Variants in TRAF3IP1 observed in about 807,000 individuals in gnomAD.
The protein encoded by TRAF3IP1 is TRAF3-interacting protein 1.
Under a neutral mutation model 89.9 loss-of-function variants are expected in TRAF3IP1, and 53 were observed. The ratio of observed to expected loss-of-function variants is 0.59; its 90% CI spans 0.47 to 0.74. The LOEUF (loss-of-function observed/expected upper bound fraction) is 0.74, where lower values mean the gene tolerates loss of function less well. Among genes scored for constraint, TRAF3IP1 ranks in the 30% least tolerant of loss-of-function variants. The probability of loss-of-function intolerance (pLI) is 0.00; values close to 1 mark genes in which losing one functional copy is unlikely to be tolerated. For missense variants in TRAF3IP1, 806 were observed against 866.1 expected (o/e 0.93, Z 0.87); for synonymous variants, 311 against 322.1 (o/e 0.97, Z 0.37).
intron 2 of TRAF3IP1, among the ~76,000 whole-genome samples, 183 bp from the exon 3 acceptor site, chr2:238,325,626 T>G (rs1159591848): frequency 6.6e-6 from 1 of 152,232 alleles, no homozygotes; most frequent in Non-Finnish European, 1.5e-5. Context: ...ATCAACTAAA[T>G]TAAAGGCTTT....
intron 15 of TRAF3IP1, among the ~76,000 whole-genome samples, chr2:238,393,551 C>G (rs1256328894): frequency 2.0e-5 from 3 of 152,172 alleles, no homozygotes; most frequent in Non-Finnish European, 4.4e-5. Context: ...CTTTTGGTGT[C>G]AAGTCTTCGA....
chr2:238,335,682 T>C (rs1382179597), intron 7 of TRAF3IP1, among the ~76,000 whole-genome samples: 2 of 152,176 alleles, frequency 1.3e-5, no homozygotes, highest in Non-Finnish European at 2.9e-5. Context: ...TTAGTGAAGG[T>C]GTCCCCCTCT....
intron 14 of TRAF3IP1, among the ~76,000 whole-genome samples, chr2:238,354,577 C>T (rs768904966): frequency 4.6e-5 from 7 of 152,100 alleles, no homozygotes; most frequent in Non-Finnish European, 1.0e-4. Context: ...TAGAACACCA[C>T]GACTGGTTTT....
At chr2:238,374,454 C>T (rs771779154) in intron 15 of TRAF3IP1, among the ~76,000 whole-genome samples, 1 of 152,158 alleles carries the variant, frequency 6.6e-6, no homozygotes, top group Non-Finnish European at 1.5e-5. Flanking sequence ...GTTGAACCAG[C>T]CTTGCATCCC....
At chr2:238,378,508 C>T (rs1209339525) in intron 15 of TRAF3IP1, among the ~76,000 whole-genome samples, 2 of 152,164 alleles carry the variant, frequency 1.3e-5, no homozygotes, top group African/African-American at 4.8e-5. Context: ...ATAACCTTTG[C>T]CTGGCCATCA....
chr2:238,354,494 C>T (rs1008386155), intron 14 of TRAF3IP1, among the ~76,000 whole-genome samples: 1 of 152,170 alleles, frequency 6.6e-6, no homozygotes, highest in Non-Finnish European at 1.5e-5. Flanking sequence ...CATCTCATGC[C>T]AAAAAGCCTG....
chr2:238,333,861 A>G (rs1698248951), intron 6 of TRAF3IP1, 99 bp from the exon 7 acceptor site: 2 of 1,003,398 alleles, frequency 2.0e-6, no homozygotes, highest in African/African-American at 1.6e-5. Flanking sequence ...GCTGGATTTC[A>G]TACTTGTTCT....
intron 12 of TRAF3IP1, among the ~76,000 whole-genome samples, chr2:238,350,347 C>T (rs547624045): frequency 8.7e-4 from 133 of 152,124 alleles, no homozygotes; most frequent in Middle Eastern, 3.4e-3. Context: ...GCAGAGTCCC[C>T]GTGTGGGTGT....
chr2:238,344,748 T>C, intron 9 of TRAF3IP1, 150 bp downstream of exon 9: 1 of 730,510 alleles, frequency 1.4e-6, no homozygotes, highest in Non-Finnish European at 2.5e-6. Context: ...TCTGCCTTTT[T>C]GCATAAACTA....
chr2:238,395,229 G>A (rs113377546), intron 15 of TRAF3IP1, among the ~76,000 whole-genome samples: 9,460 of 152,148 alleles, frequency 0.062, 386 homozygotes, highest in Non-Finnish European at 0.081. Context: ...GAAAGAAAGG[G>A]AAGAAGATAA....
rs1574888636 is a variant in TRAF3IP1 at position 238,325,730 on chromosome 2, A to G, written c.193-79A>G. The G allele has an allele frequency of 5.8e-6, 8 of 1,377,212 alleles. No homozygotes were observed. In the East Asian group the frequency reaches 1.9e-4, roughly 32 times the overall value. 85.3% of individuals were successfully genotyped at this position (1,377,212 alleles called of 1,614,324 possible). A position where few individuals can be genotyped will look rare whatever the true frequency, so the allele number is the denominator to read the frequency against. On this transcript the variant is annotated intron_variant, in intron 2 of 16. Transcript: ENST00000373327. ...TTTGTATGTAAACAGAAACTATCCT[A>G]TGCCTGGTAAACATACAGAAGATAA...
In TRAF3IP1 at chr2:238,350,367, C is replaced by T. The variant is rs186406694; in HGVS notation, c.1451+959C>T. On this transcript the variant is annotated intron_variant, in intron 12 of 16. Coordinates refer to ENST00000373327, the MANE Select transcript of TRAF3IP1 (RefSeq NM_015650.4). The stretch of plus-strand genomic sequence containing the variant: ...GTCCCCGTGTGGGTGTGGGAACGGG[C>T]GCGGAGGTGGAGTCGGCACATGGTG... 1.3e-4 allele frequency among the ~76,000 whole-genome samples: 20 copies of T among 152,080 alleles called. No homozygotes were observed. The East Asian group carries it at 3.3e-3, about 25-fold the overall frequency.
chr2:238,331,229 G>A (rs148437635), intron 5 of TRAF3IP1, among the ~76,000 whole-genome samples: 254 of 151,368 alleles, frequency 1.7e-3, no homozygotes, highest in African/African-American at 5.9e-3. Context: ...GGGAGGCCGA[G>A]GCAGGTGGAT....
rs1184293845 is a variant in TRAF3IP1 at position 238,345,759 on chromosome 2, G to A, written c.1261+1161G>A. Among the ~76,000 whole-genome samples the A allele has an allele frequency of 2.6e-5, 4 of 152,144 alleles. No homozygotes were observed. Among genetic ancestry groups the A allele is most frequent in the Non-Finnish European group, 5.9e-5 (4 of 68,020 alleles). ...GGAAGGCCCAGGCTAGAGAGGAGCT[G>A]TGAGAGTTGCTGGCGCTGGGTGATG... On this transcript the variant is annotated intron_variant, in intron 9 of 16. Coordinates refer to ENST00000373327, the MANE Select transcript of TRAF3IP1 (RefSeq NM_015650.4). This position sits in a 1 kb window ranked among gnomAD's most constrained non-coding sequence, Gnocchi z 4.7.
chr2:238,352,994 C>A, intron 13 of TRAF3IP1, 44 bp downstream of exon 13: 5 of 1,575,160 alleles, frequency 3.2e-6, no homozygotes, highest in Non-Finnish European at 4.3e-6. Context: ...TAATGTTTTA[C>A]CTTCATTGAG....
chr2:238,353,954 A>G (rs147793688), intron 14 of TRAF3IP1, among the ~76,000 whole-genome samples: 8 of 152,238 alleles, frequency 5.3e-5, no homozygotes, highest in African/African-American at 1.9e-4. Context: ...TTGTATTTTT[A>G]GTAGAGACAG....
At position 238,325,177 on chromosome 2, in the gene TRAF3IP1, C is replaced by G. The variant is rs1427011031; in HGVS notation, c.124-129C>G. 5 of 897,810 alleles carry G rather than the reference C, an allele frequency of 5.6e-6. No individual in the cohort carries two copies. In the East Asian group the frequency reaches 1.2e-4, roughly 22 times the overall value. 55.6% of individuals were successfully genotyped at this position (897,810 alleles called of 1,614,324 possible). A position where few individuals can be genotyped will look rare whatever the true frequency, so the allele number is the denominator to read the frequency against. ...CACGTGTAGTAGACATCAAATATTT[C>G]TTAAGTGGATGATTCAAATCTGGGC... On this transcript the variant is annotated intron_variant, in intron 1 of 16. Transcript: ENST00000373327.
chr2:238,377,942 A>G (rs1700386281), intron 15 of TRAF3IP1, among the ~76,000 whole-genome samples: 1 of 152,160 alleles, frequency 6.6e-6, no homozygotes. Context: ...AAAATTTTCA[A>G]GCTTATTGGA....
At chr2:238,340,844 T>TAGAG (rs1250660486) in intron 8 of TRAF3IP1, among the ~76,000 whole-genome samples, 1,448 of 86,418 alleles carry the variant, frequency 0.017, 34 homozygotes, top group East Asian at 0.043. Flanking sequence ...TATATATATA[T>TAGAG]ATAGAGAGAG....
Sources: allele counts gnomAD v4.1 joint callset (sites outside exome capture counted in the v4.1 genomes callset), GRCh38; gene constraint gnomAD v4.1.1; non-coding constraint Gnocchi (gnomAD v3.1); transcripts MANE v1.5; gene names NCBI Gene and HGNC (gene_info 2026-07-23, HGNC 2026-07-21).